The following CLUAP1 variants were observed in gnomAD, a reference collection of about 807,000 sequenced individuals.
CLUAP1 encodes the protein intraflagellar transport 38.
Under a neutral mutation model 55.0 loss-of-function variants are expected in CLUAP1, and 50 were observed. The observed-to-expected ratio is 0.91, with a 90% CI of 0.72 to 1.15. CLUAP1 has a LOEUF of 1.15. CLUAP1 is among the 50% of genes most tolerant of loss of function. The probability of loss-of-function intolerance (pLI) is 0.00; values close to 1 mark genes in which losing one functional copy is unlikely to be tolerated. For missense variants in CLUAP1, 530 were observed against 507.6 expected, an observed-to-expected ratio of 1.04 and a Z score of -0.42; for synonymous variants, 195 against 175.4, an observed-to-expected ratio of 1.11 and a Z score of -0.88.
At chr16:3,505,579 G>A (rs1388655307) in intron 2 of CLUAP1, among the ~76,000 whole-genome samples, 1 of 150,790 alleles carries the variant, frequency 6.6e-6, no homozygotes, top group East Asian at 1.9e-4. Context: ...AATCAGTGGA[G>A]TTTAAAGAAT....
At chr16:3,501,826 A>C (rs560810305) in intron 1 of CLUAP1, among the ~76,000 whole-genome samples, 1 of 151,954 alleles carries the variant, frequency 6.6e-6, no homozygotes, top group African/African-American at 2.4e-5. Flanking sequence ...CGAGGAGAGG[A>C]GGCTGGGTGA....
In CLUAP1 at chr16:3,504,942, T is replaced by C; in HGVS notation, c.134+111T>C. ...CTGCAAAAGGGAAAGTTTTTGGAATTTGACAGACCCAGCTGTATTCTGTTA... is the reference window on the plus strand; with the variant it reads ...CTGCAAAAGGGAAAGTTTTTGGAATCTGACAGACCCAGCTGTATTCTGTTA... On this transcript the variant is annotated intron_variant, in intron 2 of 11. Coordinates refer to ENST00000576634, the MANE Select transcript of CLUAP1 (RefSeq NM_015041.3). The C allele has an allele frequency of 4.2e-6, 3 of 712,610 alleles. No homozygotes were observed. In the South Asian group the frequency reaches 4.7e-5, roughly 11 times the overall value. 44.1% of individuals were successfully genotyped at this position (712,610 alleles called of 1,614,324 possible).
At chr16:3,529,798 ATT>A (rs2038069696) in intron 9 of CLUAP1, among the ~76,000 whole-genome samples, 1 of 61,764 alleles carries the variant, frequency 1.6e-5, no homozygotes, top group African/African-American at 7.1e-5. Flanking sequence ...TATATATTAT[ATT>A]ATTATATATA....
chr16:3,495,950 C>T, the CLUAP1 span, among the ~76,000 whole-genome samples: 1 of 152,054 alleles, frequency 6.6e-6, no homozygotes, highest in African/African-American at 2.4e-5. Context: ...ACCATCCTGG[C>T]TAACACGGTG....
At chr16:3,531,247 G>A (rs910929847) in intron 10 of CLUAP1, among the ~76,000 whole-genome samples, 2 of 152,172 alleles carry the variant, frequency 1.3e-5, no homozygotes, top group African/African-American at 2.4e-5. Context: ...TAAGCCAGGC[G>A]CGGTGGCTCA....
At chr16:3,498,092 G>GGT (rs2037332223), upstream of CLUAP1, among the ~76,000 whole-genome samples, 1 of 152,134 alleles carries the variant, frequency 6.6e-6, no homozygotes, top group Admixed American at 6.6e-5. Flanking sequence ...TGAGAATCTG[G>GGT]GTAGGGGTGG....
chr16:3,535,996 T>TGCC, intron 11 of CLUAP1, 126 bp from the exon 12 acceptor site: 2 of 1,114,418 alleles, frequency 1.8e-6, no homozygotes, highest in Non-Finnish European at 2.6e-6. Flanking sequence ...ACAGCCTGCT[T>TGCC]GCCACTCTGC....
intron 6 of CLUAP1, 51 bp from the exon 7 acceptor site, chr16:3,519,852 G>A (rs1417301650): frequency 2.6e-6 from 4 of 1,536,742 alleles, no homozygotes; most frequent in Non-Finnish European, 3.5e-6. Flanking sequence ...CTAAGAATTA[G>A]GATGGCTGTT....
chr16:3,496,168 C>T (rs2037306449), upstream of CLUAP1: 3 of 473,434 alleles, frequency 6.3e-6, no homozygotes, highest in African/African-American at 4.1e-5. Flanking sequence ...AAACATTCAT[C>T]TTTCCGGACC....
At chr16:3,521,987 C>T (rs539742036) in intron 7 of CLUAP1, among the ~76,000 whole-genome samples, 65 of 152,036 alleles carry the variant, frequency 4.3e-4, no homozygotes, top group Admixed American at 2.5e-3. Flanking sequence ...TGAGCCCAGG[C>T]GTTCGATGCT....
chr16:3,499,565 C>G (rs183361458), upstream of CLUAP1, among the ~76,000 whole-genome samples: 1 of 152,304 alleles, frequency 6.6e-6, no homozygotes, highest in African/African-American at 2.4e-5. Context: ...GCATATTAGC[C>G]ATCCATATAT....
At chr16:3,498,454 C>A (rs1453613459), upstream of CLUAP1, among the ~76,000 whole-genome samples, 3 of 152,128 alleles carry the variant, frequency 2.0e-5, no homozygotes, top group African/African-American at 4.8e-5. Flanking sequence ...TCCTAAAATT[C>A]ATGTGAAATT....
chr16:3,497,308 AT>A (rs1413702157), upstream of CLUAP1, among the ~76,000 whole-genome samples: 1 of 152,236 alleles, frequency 6.6e-6, no homozygotes, highest in African/African-American at 2.4e-5. Flanking sequence ...AATTAATTGT[AT>A]TTCTAGATAC....
chr16:3,502,529 A>G (rs919939827), intron 1 of CLUAP1, among the ~76,000 whole-genome samples: 4 of 151,796 alleles, frequency 2.6e-5, no homozygotes, highest in Non-Finnish European at 4.4e-5. Flanking sequence ...TTTCTCGTCC[A>G]ATTGTTGGTG....
chr16:3,507,301 C>T (rs908401833), intron 3 of CLUAP1, among the ~76,000 whole-genome samples: 2 of 151,774 alleles, frequency 1.3e-5, no homozygotes, highest in African/African-American at 4.8e-5. Context: ...GCCTGTAATC[C>T]TAGCACTTTG....
intron 2 of CLUAP1, among the ~76,000 whole-genome samples, chr16:3,505,916 C>T (rs1465156597): frequency 6.6e-6 from 1 of 152,160 alleles, no homozygotes; most frequent in Non-Finnish European, 1.5e-5. Flanking sequence ...GCAGGCTGTA[C>T]AGGTCGGAGG....
rs61730657 is a variant in CLUAP1 at position 3,532,896 on chromosome 16, A to G, written c.1092+55A>G. On this transcript the variant is annotated intron_variant, in intron 11 of 11. Coordinates refer to ENST00000576634, the MANE Select transcript of CLUAP1 (RefSeq NM_015041.3). ...GTGCACTCTGGGTTTGGCTGTCCCC[A>G]TAGATGGGAGTGGCTGAGTTGCTGT... 6.9e-6 allele frequency: 11 copies of G among 1,591,532 alleles called. No individual in the cohort carries two copies. The Admixed American group carries it at 8.3e-5, about 12-fold the overall frequency.
At chr16:3,513,039 T>C (rs1259632509) in intron 5 of CLUAP1, among the ~76,000 whole-genome samples, 1 of 152,210 alleles carries the variant, frequency 6.6e-6, no homozygotes, top group African/African-American at 2.4e-5. Flanking sequence ...GACTGAGCTG[T>C]CCTTGTTGTG....
At chr16:3,514,242 A>G (rs1287808134) in intron 5 of CLUAP1, among the ~76,000 whole-genome samples, 1 of 152,158 alleles carries the variant, frequency 6.6e-6, no homozygotes, top group Non-Finnish European at 1.5e-5. Context: ...GTCTCTTTCA[A>G]CACCATCCTG....
Sources: gnomAD v4.1 joint callset for allele counts (sites outside exome capture counted in the v4.1 genomes callset) on GRCh38, gnomAD v4.1.1 for gene constraint, MANE v1.5 for transcripts, NCBI Gene and HGNC (gene_info 2026-07-23, HGNC 2026-07-21) for gene names.